GRIP1: variants seen among roughly 807,000 people sequenced by gnomAD.
GRIP1 encodes the protein glutamate receptor interacting protein 1, also known as glutamate receptor-interacting protein 1.
A neutral mutation model predicts 129.9 loss-of-function variants in GRIP1; 45 were observed. The observed-to-expected ratio is 0.35, with a 90% CI of 0.27 to 0.44. The LOEUF (loss-of-function observed/expected upper bound fraction) is 0.44. Among genes scored for constraint, GRIP1 ranks in the 20% least tolerant of loss-of-function variants. GRIP1 has a pLI of 1.00. For synonymous variants in GRIP1, 530 were observed against 520.8 expected (o/e 1.02, Z -0.24); for missense variants, 1,196 against 1,396.8 (o/e 0.86, Z 2.29).
chr12:66,539,915 C>A (rs1424657741), intron 3 of GRIP1, among the ~76,000 whole-genome samples: 2 of 152,116 alleles, frequency 1.3e-5, no homozygotes, highest in African/African-American at 4.8e-5. Context: ...GAGCAGGTAG[C>A]AAGACCAATA....
intron 4 of GRIP1, among the ~76,000 whole-genome samples, chr12:66,538,598 ATGT>A (rs1457739992): frequency 6.6e-6 from 1 of 151,918 alleles, no homozygotes; most frequent in Non-Finnish European, 1.5e-5. Context: ...CATTTTATTA[ATGT>A]TGTGTGTGTT....
At chr12:66,747,511 T>A (rs1347485509) in intron 1 of GRIP1, among the ~76,000 whole-genome samples, 2 of 152,098 alleles carry the variant, frequency 1.3e-5, no homozygotes, top group Non-Finnish European at 2.9e-5. Flanking sequence ...ATGAAAAACA[T>A]AGGTAAAGCT....
chr12:66,850,966 G>T (rs1027793011), intron 1 of GRIP1, among the ~76,000 whole-genome samples: 1 of 147,618 alleles, frequency 6.8e-6, no homozygotes, highest in Admixed American at 6.9e-5. Flanking sequence ...ATGCAGCTAA[G>T]GTATCTAGTA....
At chr12:66,990,668 A>AT (rs1438450622) in intron 1 of GRIP1, among the ~76,000 whole-genome samples, 2 of 152,204 alleles carry the variant, frequency 1.3e-5, no homozygotes, top group Non-Finnish European at 2.9e-5. Flanking sequence ...TAACTGTAAC[A>AT]TACAACAGTC....
At chr12:66,996,304 C>T (rs973676590) in intron 1 of GRIP1, among the ~76,000 whole-genome samples, 13 of 151,468 alleles carry the variant, frequency 8.6e-5, no homozygotes, top group Admixed American at 4.0e-4. Context: ...TTGTGTGTTA[C>T]GTAGATTATA....
rs370166575 is a variant in GRIP1 at position 66,678,844 on chromosome 12, C to T, written c.55+6G>A. The T allele has an allele frequency of 1.7e-5, 27 of 1,612,536 alleles. No homozygotes were observed. In the East Asian group the frequency reaches 2.9e-4, roughly 17 times the overall value. On this transcript the variant is annotated splice_donor_region_variant and intron_variant, in intron 1 of 24. Coordinates refer to ENST00000359742, the MANE Select transcript of GRIP1 (RefSeq NM_001366722.1). ...CGCTGAGGGAATAACAAGGAAAGCA[C>T]GATACCTTTAGTAAGTCGCCTCAGA...
chr12:67,006,015 C>A (rs1477940060), intron 1 of GRIP1, among the ~76,000 whole-genome samples: 1 of 152,150 alleles, frequency 6.6e-6, no homozygotes, highest in Non-Finnish European at 1.5e-5. Flanking sequence ...TATCCACATA[C>A]CAGCTCCTTG....
At chr12:66,383,950 G>A (rs1337925459) in intron 19 of GRIP1, among the ~76,000 whole-genome samples, 1 of 152,176 alleles carries the variant, frequency 6.6e-6, no homozygotes, top group Non-Finnish European at 1.5e-5. Flanking sequence ...CCCAGTAACT[G>A]TCTTGGACTA....
intron 13 of GRIP1, among the ~76,000 whole-genome samples, chr12:66,434,447 T>G (rs1032218354): frequency 6.6e-6 from 1 of 152,208 alleles, no homozygotes; most frequent in Admixed American, 6.5e-5. Context: ...CCACATATAT[T>G]TATTTGTTTA....
At chr12:66,769,769 C>T (rs992500788) in intron 1 of GRIP1, among the ~76,000 whole-genome samples, 25 of 152,038 alleles carry the variant, frequency 1.6e-4, no homozygotes, top group Non-Finnish European at 7.4e-5. Flanking sequence ...GTCTTTTTGG[C>T]TATACCTACT....
intron 7 of GRIP1, among the ~76,000 whole-genome samples, chr12:66,482,307 A>G (rs534304736): frequency 6.6e-6 from 1 of 152,282 alleles, no homozygotes; most frequent in East Asian, 1.9e-4. Context: ...GAGGATGCTG[A>G]GCCTGATGAG....
chr12:67,009,996 G>A (rs769578291), intron 1 of GRIP1, among the ~76,000 whole-genome samples: 7 of 152,110 alleles, frequency 4.6e-5, no homozygotes, highest in African/African-American at 7.2e-5. Flanking sequence ...GAATGCAAGG[G>A]CGTATTTCTA....
In GRIP1 at chr12:66,392,341, C is replaced by G; in HGVS notation, c.2431G>C (p.Gly811Arg). The change falls in exon 19 of 25, where the codon GGG becomes CGG. Residue 811 changes from glycine to arginine, a missense_variant. Physicochemically the swap from Gly to Arg is moderately radical, Grantham distance 125. Coordinates refer to ENST00000359742, the MANE Select transcript of GRIP1 (RefSeq NM_001366722.1). Reference protein sequence around the residue: ...SVDSAVDSWDGSAIDTSYGTQ... With the variant: ...SVDSAVDSWDRSAIDTSYGTQ... ...CCATAGCTGGTGTCTATTGCAGACC[C>G]ATCCCATGAATCCACAGCACTGTCC... The G allele has an allele frequency of 6.2e-7, 1 of 1,612,870 alleles. No homozygotes were observed. Among genetic ancestry groups the G allele is most frequent in the Non-Finnish European group, 8.5e-7 (1 of 1,178,904 alleles).
chr12:66,809,887 C>G (rs920652188), intron 1 of GRIP1, among the ~76,000 whole-genome samples: 2 of 152,106 alleles, frequency 1.3e-5, no homozygotes, highest in Non-Finnish European at 2.9e-5. Context: ...AACTCCGGAG[C>G]TCCAGCAATC....
At chr12:66,802,787 T>C (rs1163268992) in intron 1 of GRIP1, among the ~76,000 whole-genome samples, 1 of 152,182 alleles carries the variant, frequency 6.6e-6, no homozygotes, top group Non-Finnish European at 1.5e-5. Context: ...CAATATTTTT[T>C]GATGTGACAT....
rs936475634 is a variant in GRIP1, at chr12:66,911,796, G to A, written c.58+157254C>T. On this transcript the variant is annotated intron_variant, in intron 1 of 1. Transcript: ENST00000643019. ...TTTACTGATGTTACTTTGTTGGCAT[G>A]TTCAATGTGTCATCCCTTATTAACA... 9.2e-5 allele frequency among the ~76,000 whole-genome samples: 14 copies of A among 152,124 alleles called. 1 individual carries two copies. The highest frequency in any genetic ancestry group is 3.2e-3 in the Middle Eastern group (1 of 316).
intron 1 of GRIP1, among the ~76,000 whole-genome samples, chr12:67,035,926 C>T (rs1346747627): frequency 6.6e-6 from 1 of 152,128 alleles, no homozygotes; most frequent in Non-Finnish European, 1.5e-5. Context: ...AAATGCTACA[C>T]CCTCAGCACT....
At chr12:66,827,413 A>AGAGAGAGC (rs879461540) in intron 1 of GRIP1, among the ~76,000 whole-genome samples, 2 of 150,888 alleles carry the variant, frequency 1.3e-5, no homozygotes, top group Non-Finnish European at 3.0e-5. Flanking sequence ...AGAGAGAGAG[A>AGAGAGAGC]GAGCGCACAA....
chr12:66,723,061 A>T (rs1410617065), intron 1 of GRIP1, among the ~76,000 whole-genome samples: 1 of 151,312 alleles, frequency 6.6e-6, no homozygotes, highest in Non-Finnish European at 1.5e-5. Flanking sequence ...ATACTGATCC[A>T]TCAGAGCAAC....
Sources: gnomAD v4.1 joint callset for allele counts (sites outside exome capture counted in the v4.1 genomes callset) on GRCh38, gnomAD v4.1.1 for gene constraint, MANE v1.5 for transcripts, NCBI Gene and HGNC (gene_info 2026-07-23, HGNC 2026-07-21) for gene names.